Variants in SNAI1 observed in about 807,000 individuals in gnomAD.
SNAI1 encodes the protein snail family transcriptional repressor 1, also known as zinc finger protein SNAI1.
A neutral mutation model predicts 24.7 loss-of-function variants in SNAI1; 15 were observed. The observed-to-expected ratio is 0.61, with a 90% CI of 0.41 to 0.93. SNAI1 has a LOEUF of 0.93. Among genes scored for constraint, SNAI1 ranks in the 40% least tolerant of loss-of-function variants. The pLI, the probability that SNAI1 is intolerant of heterozygous loss-of-function variation, is 0.00. For missense variants in SNAI1, 283 were observed against 336.7 expected (o/e 0.84, Z 1.25); for synonymous variants, 163 against 142.9 (o/e 1.14, Z -1.00).
At position 49,987,749 on chromosome 20, in the gene SNAI1, G is replaced by A. The variant is rs535939902; in HGVS notation, c.611-123G>A. 2.2e-4 allele frequency: 194 copies of A among 883,112 alleles called. 2 individuals are homozygous for A. In the South Asian group the frequency reaches 2.6e-3, roughly 12 times the overall value. The allele number at this position is 883,112 out of a possible 1,614,324, so 54.7% of individuals were successfully genotyped here. A position where few individuals can be genotyped will look rare whatever the true frequency, so the allele number is the denominator to read the frequency against. On this transcript the variant is annotated intron_variant, in intron 2 of 2. Coordinates refer to ENST00000244050, the MANE Select transcript of SNAI1 (RefSeq NM_005985.4). ...TTTGGACCCTGGCTGTGTGTTTGAC[G>A]GAGGCCTGGCTTTCCTGGGATCATG... is the stretch of plus-strand genomic sequence containing the variant.
chr20:49,985,387 G>T (rs905978654), intron 2 of SNAI1, among the ~76,000 whole-genome samples: 1 of 152,070 alleles, frequency 6.6e-6, no homozygotes, highest in Non-Finnish European at 1.5e-5. Flanking sequence ...GGCAATTCGC[G>T]GGCTTTATTG....
chr20:49,984,732 A>C (rs1255121659), intron 2 of SNAI1, among the ~76,000 whole-genome samples: 1 of 152,182 alleles, frequency 6.6e-6, no homozygotes, highest in Non-Finnish European at 1.5e-5. Context: ...CCTGGCTCTG[A>C]ATCCTTCTTT....
At position 49,984,315 on chromosome 20, in the gene SNAI1, C is replaced by T; in HGVS notation, c.574C>T (p.Pro192Ser). ...CGTCGKAFSR[P>S]WLLQGHVRTH... ...AACCTGCGGGAAGGCCTTCTCTAGG[C>T]CCTGGCTGCTACAAGGCCATGTCCG... Residue 192 changes from proline (P) to serine (S), a missense_variant, in exon 2 of 3, where the codon CCC becomes TCC. Coordinates refer to ENST00000244050, the MANE Select transcript of SNAI1 (RefSeq NM_005985.4). 1 of 1,610,738 alleles carries T rather than the reference C, an allele frequency of 6.2e-7. No individual in the cohort carries two copies. The highest frequency in any genetic ancestry group is 8.5e-7 in the Non-Finnish European group (1 of 1,178,680).
rs780380380 is a variant in SNAI1, at chr20:49,984,092, A to T, written c.351A>T (p.Ser117=). 4 of 1,614,120 alleles carry T rather than the reference A, an allele frequency of 2.5e-6. No individual in the cohort carries two copies. The Admixed American group carries it at 5.0e-5, about 20-fold the overall frequency. Residue 117 remains serine (S), a synonymous_variant, in exon 2 of 3, where the codon TCA becomes TCT. Coordinates refer to ENST00000244050, the MANE Select transcript of SNAI1 (RefSeq NM_005985.4). ...CTCCTTCGTCCTTCTCCTCTACTTC[A>T]GTCTCTTCCTTGGAGGCCGAGGCCT... ...SPAPSSFSST[S]VSSLEAEAYA... is the part of the protein sequence containing the mutation.
rs1390433634 is a variant in SNAI1, at chr20:49,988,448, AC to A, written c.*399del. On this transcript the variant is annotated 3_prime_UTR_variant, in exon 3 of 3. Coordinates refer to ENST00000244050, the MANE Select transcript of SNAI1 (RefSeq NM_005985.4). ...AGGGGACCCCACTCCCCTCACACAC[AC>A]CCCCCCACAAGGAACCCTCAGGCCA... 6.3e-6 allele frequency: 1 copy of A among 159,080 alleles called. No individual in the cohort carries two copies. The allele number at this position is 159,080 out of a possible 1,614,324, so 9.9% of individuals were successfully genotyped here.
chr20:49,983,673 G>A (rs2078323906), intron 1 of SNAI1, 151 bp from the exon 2 acceptor site: 3 of 727,186 alleles, frequency 4.1e-6, no homozygotes, highest in South Asian at 4.2e-5. Flanking sequence ...GGGCGAGGAG[G>A]GCAGGAACCT....
chr20:49,986,272 T>C (rs1319153812), intron 2 of SNAI1, among the ~76,000 whole-genome samples: 1 of 152,026 alleles, frequency 6.6e-6, no homozygotes, highest in African/African-American at 2.4e-5. Context: ...CAGGCACCCC[T>C]CCCCCAATCC....
rs201293282 is a variant in SNAI1, at chr20:49,987,866, C to A, written c.611-6C>A. 21 of 1,613,720 alleles carry A rather than the reference C, an allele frequency of 1.3e-5. No individual in the cohort carries two copies. Among genetic ancestry groups the A allele is most frequent in the Non-Finnish European group, 1.8e-5 (21 of 1,179,898 alleles). ...TCACTCGGCCTTTCTGGCGTTCTCT[C>A]CCCAGGCGAGAAGCCCTTCTCCTGT... On this transcript the variant is annotated splice_region_variant and splice_polypyrimidine_tract_variant and intron_variant, in intron 2 of 2. Transcript: ENST00000244050.
rs1327031394 is a variant in SNAI1 at position 49,984,358 on chromosome 20, G to A, written c.610+7G>A. ...CATGTCCGGACCCACACTGGTACGTGCCCCTCCAGGCGCCCCCACCGTTGC... is the reference window on the plus strand; with the variant it reads ...CATGTCCGGACCCACACTGGTACGTACCCCTCCAGGCGCCCCCACCGTTGC... On this transcript the variant is annotated splice_region_variant and intron_variant, in intron 2 of 2. Coordinates refer to ENST00000244050, the MANE Select transcript of SNAI1 (RefSeq NM_005985.4). The A allele has an allele frequency of 6.3e-7, 1 of 1,578,568 alleles. No homozygotes were observed. Among genetic ancestry groups the A allele is most frequent in the Non-Finnish European group, 8.6e-7 (1 of 1,163,028 alleles).
At chr20:49,987,844 C>T (rs2078338831) in intron 2 of SNAI1, 28 bp from the exon 3 acceptor site, 1 of 1,610,616 alleles carries the variant, frequency 6.2e-7, no homozygotes, top group African/African-American at 1.3e-5. Context: ...CCACGGCTCA[C>T]TCGGCCTTTC....
Position 49,988,000 on chromosome 20 carries a change from C to A in SNAI1, c.739C>A (p.Arg247=), listed in dbSNP as rs1278280804. The A allele has an allele frequency of 6.2e-7, 1 of 1,613,640 alleles. No homozygotes were observed. The highest frequency in any genetic ancestry group is 8.5e-7 in the Non-Finnish European group (1 of 1,179,748). ...QCQACARTFS[R]MSLLHKHQES... ...CCAGGCGTGTGCTCGGACCTTCTCC[C>A]GAATGTCCCTGCTCCACAAGCACCA... The change falls in exon 3 of 3, where the codon CGA becomes AGA. Residue 247 remains arginine, a synonymous_variant. Transcript: ENST00000244050.
intron 1 of SNAI1, 68 bp from the exon 2 acceptor site, chr20:49,983,756 G>T (rs1212507287): frequency 6.9e-7 from 1 of 1,451,802 alleles, no homozygotes; most frequent in African/African-American, 1.4e-5. Context: ...CCTGGCCAGC[G>T]GTGGGCTCAT....
At chr20:49,986,645 A>G (rs75418549) in intron 2 of SNAI1, among the ~76,000 whole-genome samples, 6 of 152,016 alleles carry the variant, frequency 3.9e-5, no homozygotes, top group Admixed American at 1.3e-4. Context: ...TAAAAAAAAA[A>G]TTATAGACAG....
intron 2 of SNAI1, among the ~76,000 whole-genome samples, chr20:49,985,843 G>C (rs1411368329): frequency 6.6e-6 from 1 of 152,238 alleles, no homozygotes; most frequent in African/African-American, 2.4e-5. Context: ...CCGCCGGCCT[G>C]GTGCCGATTT....
At position 49,983,036 on chromosome 20, in the gene SNAI1, G is replaced by T; in HGVS notation, c.-24G>T. ...CTTCTGCGCTACTGCTGCGCGAATC[G>T]GCGACCCCAGTGCCTCGACCACTAT... On this transcript the variant is annotated 5_prime_UTR_variant, in exon 1 of 3. Coordinates refer to ENST00000244050, the MANE Select transcript of SNAI1 (RefSeq NM_005985.4). 2 of 1,598,942 alleles carry T rather than the reference G, an allele frequency of 1.3e-6. No homozygotes were observed. The highest frequency in any genetic ancestry group is 2.3e-5 in the East Asian group (1 of 44,370).
Position 49,983,005 on chromosome 20 carries a change from G to C in SNAI1, c.-55G>C. 2 of 1,305,486 alleles carry C rather than the reference G, an allele frequency of 1.5e-6. No individual in the cohort carries two copies. The highest frequency in any genetic ancestry group is 2.2e-6 in the Non-Finnish European group (2 of 916,380). The allele number at this position is 1,305,486 out of a possible 1,614,324, so 80.9% of individuals were successfully genotyped here. The stretch of plus-strand genomic sequence containing the variant: ...ATTGCGCCGCGGCACGGCCTAGCGA[G>C]TGGTTCTTCTGCGCTACTGCTGCGC... On this transcript the variant is annotated 5_prime_UTR_variant, in exon 1 of 3. Coordinates refer to ENST00000244050, the MANE Select transcript of SNAI1 (RefSeq NM_005985.4).
In SNAI1 at chr20:49,984,360, C is replaced by T; in HGVS notation, c.610+9C>T. On this transcript the variant is annotated intron_variant, in intron 2 of 2. Transcript: ENST00000244050. ...TGTCCGGACCCACACTGGTACGTGC[C>T]CCTCCAGGCGCCCCCACCGTTGCTC... The T allele has an allele frequency of 6.3e-7, 1 of 1,579,396 alleles. No homozygotes were observed. The highest frequency in any genetic ancestry group is 8.6e-7 in the Non-Finnish European group (1 of 1,163,170).
At chr20:49,986,513 C>T (rs1361094882) in intron 2 of SNAI1, among the ~76,000 whole-genome samples, 4 of 152,112 alleles carry the variant, frequency 2.6e-5, no homozygotes, top group East Asian at 1.9e-4. Flanking sequence ...ATTTCACAGG[C>T]GGGCCCTGAC....
rs535942771 is a variant in SNAI1 at position 49,983,429 on chromosome 20, C to A, written c.82+288C>A. On this transcript the variant is annotated intron_variant, in intron 1 of 2. Coordinates refer to ENST00000244050, the MANE Select transcript of SNAI1 (RefSeq NM_005985.4). ...GAGGGGAAGGAGAGGAGGCCTGTGT[C>A]AGGAGGGCCCTCTGGACGCTGCTGG... is the stretch of plus-strand genomic sequence containing the variant. Among the ~76,000 whole-genome samples, 364 of 146,582 alleles carry A rather than the reference C, an allele frequency of 2.5e-3. 1 individual carries two copies. Among genetic ancestry groups the A allele is most frequent in the African/African-American group, 9.0e-3 (353 of 39,350 alleles).
Sources: allele counts gnomAD v4.1 joint callset (sites outside exome capture counted in the v4.1 genomes callset), GRCh38; gene constraint gnomAD v4.1.1; transcripts MANE v1.5; gene names NCBI Gene and HGNC (gene_info 2026-07-23, HGNC 2026-07-21).